PCYT2: variants seen among roughly 807,000 people sequenced by gnomAD.
PCYT2 encodes ethanolamine-phosphate cytidylyltransferase.
A neutral mutation model predicts 50.0 loss-of-function variants in PCYT2; 33 were observed. The observed-to-expected ratio is 0.66, with a 90% CI of 0.50 to 0.88. PCYT2 has a LOEUF of 0.88. Among genes scored for constraint, PCYT2 ranks in the 40% least tolerant of loss-of-function variants. The pLI, the probability that PCYT2 is intolerant of heterozygous loss-of-function variation, is 0.00. For missense variants in PCYT2, 430 were observed against 519.7 expected (o/e 0.83, Z 1.68); for synonymous variants, 240 against 203.7 (o/e 1.18, Z -1.52).
In PCYT2 at chr17:81,905,406, G is replaced by A. The variant is rs1209648139; in HGVS notation, c.945C>T (p.Asp315=). 1.3e-6 allele frequency: 2 copies of A among 1,563,728 alleles called. No homozygotes were observed. The highest frequency in any genetic ancestry group is 2.4e-5 in the East Asian group (1 of 41,746). ...CCTGGTATGGGTCGGAGCCATCCCT[G>A]TCAGGGATAATTTCTGTCTTGCCGT... ...VCHGKTEIIP[D]RDGSDPYQEP... The change falls in exon 11 of 13, where the codon GAC becomes GAT. Residue 315 remains aspartate, a synonymous_variant. Coordinates refer to ENST00000538936, the MANE Select transcript of PCYT2 (RefSeq NM_002861.5).
rs1224600272 is a variant in PCYT2 at position 81,909,502 on chromosome 17, A to G, written c.178+12T>C. ...TGGGGGGCCGCGGGTGGGCGAGGCCATCTGTGCTTACCATCGGTGTGCACG... is the reference window on the plus strand; with the variant it reads ...TGGGGGGCCGCGGGTGGGCGAGGCCGTCTGTGCTTACCATCGGTGTGCACG... On this transcript the variant is annotated intron_variant, in intron 2 of 12. Coordinates refer to ENST00000538936, the MANE Select transcript of PCYT2 (RefSeq NM_002861.5). The G allele has an allele frequency of 1.2e-6, 2 of 1,609,220 alleles. No individual in the cohort carries two copies. Among genetic ancestry groups the G allele is most frequent in the African/African-American group, 2.7e-5 (2 of 74,870 alleles).
At chr17:81,909,133 G>GGGCCT in intron 2 of PCYT2, 96 bp from the exon 3 acceptor site, 1 of 1,529,542 alleles carries the variant, frequency 6.5e-7, no homozygotes, top group South Asian at 1.3e-5. Flanking sequence ...CCACACAAGA[G>GGGCCT]GGCCGGTGGG....
chr17:81,906,250 C>T, intron 8 of PCYT2, 73 bp from the exon 9 acceptor site: 1 of 1,385,746 alleles, frequency 7.2e-7, no homozygotes, highest in Non-Finnish European at 1.0e-6. Context: ...CCGGCTGTCC[C>T]TCATGGGAAG....
chr17:81,910,801 C>T (rs901874170), intron 1 of PCYT2: 7 of 763,136 alleles, frequency 9.2e-6, no homozygotes, highest in Non-Finnish European at 1.1e-5. Flanking sequence ...CTCTGACTGG[C>T]CAGGGAAGAC....
chr17:81,905,703 G>C lies in PCYT2; in HGVS notation c.870C>G (p.Tyr290Ter), dbSNP rs200987223. 1 of 1,613,618 alleles carries C rather than the reference G, an allele frequency of 6.2e-7. No homozygotes were observed. Among genetic ancestry groups the C allele is most frequent in the Non-Finnish European group, 8.5e-7 (1 of 1,179,966 alleles). Residue 290 changes from tyrosine to a stop codon, truncating the protein, a stop_gained, in exon 10 of 13, where the codon TAC becomes TAG. Coordinates refer to ENST00000538936, the MANE Select transcript of PCYT2 (RefSeq NM_002861.5). LOFTEE classifies it high-confidence loss of function. ...YVSEVVIGAP[Y>*]AVTAELLSHF... ...GACTTAGGAGCTCTGCTGTGACCGC[G>C]TACGGGGCTCCAATCACCACTTCTG...
chr17:81,907,995 G>A, intron 4 of PCYT2, 138 bp from the exon 5 acceptor site: 1 of 682,430 alleles, frequency 1.5e-6, no homozygotes, highest in South Asian at 1.9e-5. Flanking sequence ...TCCCCTTCCT[G>A]TGCAAGGCCA....
At chr17:81,906,998 T>A in intron 6 of PCYT2, 100 bp from the exon 7 acceptor site, 1 of 1,379,480 alleles carries the variant, frequency 7.2e-7, no homozygotes, top group South Asian at 1.3e-5. Flanking sequence ...AGCAATCCCA[T>A]TTCCAGCCAG....
At position 81,902,509 on chromosome 17, in the gene PCYT2, C is replaced by T. The variant is rs997388116; in HGVS notation, c.*2324G>A. On this transcript the variant is annotated 3_prime_UTR_variant, in exon 13 of 13. Coordinates refer to ENST00000538936, the MANE Select transcript of PCYT2 (RefSeq NM_002861.5). Reference sequence around the variant, plus strand: ...CGCCTCCCCGGAGCTGCAACTGCACCCCAGGCTGCGGAGCCTCGTGAGTCC... The same window carrying T: ...CGCCTCCCCGGAGCTGCAACTGCACTCCAGGCTGCGGAGCCTCGTGAGTCC... 17 of 1,440,808 alleles carry T rather than the reference C, an allele frequency of 1.2e-5. No homozygotes were observed. The highest frequency in any genetic ancestry group is 1.5e-5 in the Non-Finnish European group (17 of 1,103,914). The allele number at this position is 1,440,808 out of a possible 1,614,324, so 89.3% of individuals were successfully genotyped here.
At chr17:81,906,573 G>T (rs1156279632) in intron 7 of PCYT2, 27 bp from the exon 8 acceptor site, 2 of 1,608,252 alleles carry the variant, frequency 1.2e-6, no homozygotes, top group Non-Finnish European at 1.7e-6. Context: ...AAGCAGTCGG[G>T]ATGGGGATGA....
rs943221441 is a variant in PCYT2, at chr17:81,902,993, T to C, written c.*1840A>G. On this transcript the variant is annotated 3_prime_UTR_variant, in exon 13 of 13. Coordinates refer to ENST00000538936, the MANE Select transcript of PCYT2 (RefSeq NM_002861.5). Reference sequence around the variant, plus strand: ...GCCTGGGTATGAGAAGGCAGCCGAGTGTGCGGCGGCAGGGCAAGGTTGGCC... The same window carrying C: ...GCCTGGGTATGAGAAGGCAGCCGAGCGTGCGGCGGCAGGGCAAGGTTGGCC... 6.2e-6 allele frequency: 3 copies of C among 480,450 alleles called. No homozygotes were observed. Among genetic ancestry groups the C allele is most frequent in the Admixed American group, 4.0e-5 (1 of 24,846 alleles). The allele number at this position is 480,450 out of a possible 1,614,324, so 29.8% of individuals were successfully genotyped here.
rs2143678652 is a variant in PCYT2 at position 81,906,382 on chromosome 17, C to T, written c.759+82G>A. ...TCACCTGGGGCCCCTTCCCAGAGACCACCTGCACCTAACAGCAACGCTTAG... is the reference window on the plus strand; with the variant it reads ...TCACCTGGGGCCCCTTCCCAGAGACTACCTGCACCTAACAGCAACGCTTAG... On this transcript the variant is annotated intron_variant, in intron 8 of 12. Coordinates refer to ENST00000538936, the MANE Select transcript of PCYT2 (RefSeq NM_002861.5). 1.9e-5 allele frequency: 27 copies of T among 1,421,480 alleles called. No individual in the cohort carries two copies. In the South Asian group the frequency reaches 3.0e-4, roughly 16 times the overall value. The allele number at this position is 1,421,480 out of a possible 1,614,324, so 88.1% of individuals were successfully genotyped here.
intron 9 of PCYT2, 29 bp from the exon 10 acceptor site, chr17:81,905,764 T>G (rs2040230276): frequency 1.9e-6 from 3 of 1,609,768 alleles, no homozygotes; most frequent in Non-Finnish European, 2.5e-6. Context: ...CAGAAAGACT[T>G]GCTCGGTCCC....
rs766396442 is a variant in PCYT2, at chr17:81,906,740, A to G, written c.676+20T>C. On this transcript the variant is annotated intron_variant, in intron 7 of 12. Transcript: ENST00000538936. ...CCCCATGTGGCACATGTAGGGGAGCAGCAGAGGCCCAGAGGATACGGAACA... is the reference window on the plus strand; with the variant it reads ...CCCCATGTGGCACATGTAGGGGAGCGGCAGAGGCCCAGAGGATACGGAACA... 5 of 1,611,272 alleles carry G rather than the reference A, an allele frequency of 3.1e-6. No individual in the cohort carries two copies. In the East Asian group the frequency reaches 8.9e-5, roughly 29 times the overall value.
At position 81,911,356 on chromosome 17, in the gene PCYT2, G is replaced by A; in HGVS notation, c.-1C>T. 9.4e-7 allele frequency: 1 copy of A among 1,062,122 alleles called. No individual in the cohort carries two copies. The highest frequency in any genetic ancestry group is 1.1e-6 in the Non-Finnish European group (1 of 879,034). The allele number at this position is 1,062,122 out of a possible 1,614,324, so 65.8% of individuals were successfully genotyped here. On this transcript the variant is annotated 5_prime_UTR_variant, in exon 1 of 13. Coordinates refer to ENST00000538936, the MANE Select transcript of PCYT2 (RefSeq NM_002861.5). The stretch of plus-strand genomic sequence containing the variant: ...CAGCCCCGCGCCCGTTCCGGATCAT[G>A]GCCCCGCAGCGGCGGCGCGGACAGC...
chr17:81,910,922 G>A (rs1208730956), intron 1 of PCYT2: 4 of 988,144 alleles, frequency 4.0e-6, no homozygotes, highest in East Asian at 1.1e-4. Flanking sequence ...CTCGCCCGGA[G>A]GCCAGGGGAA....
In PCYT2 at chr17:81,902,724, C is replaced by T. The variant is rs748977884; in HGVS notation, c.*2109G>A. 8.1e-6 allele frequency: 13 copies of T among 1,608,164 alleles called. No individual in the cohort carries two copies. The highest frequency in any genetic ancestry group is 1.0e-5 in the Non-Finnish European group (12 of 1,178,414). Reference sequence around the variant, plus strand: ...AGGCGAACGTCTTCCTGTCCCTGCGCGCAGCCGACTGCCTCGCCGCCTGAG... The same window carrying T: ...AGGCGAACGTCTTCCTGTCCCTGCGTGCAGCCGACTGCCTCGCCGCCTGAG... On this transcript the variant is annotated 3_prime_UTR_variant, in exon 13 of 13. Coordinates refer to ENST00000538936, the MANE Select transcript of PCYT2 (RefSeq NM_002861.5).
intron 6 of PCYT2, chr17:81,907,246 C>G: frequency 6.5e-7 from 1 of 1,534,126 alleles, no homozygotes; most frequent in African/African-American, 1.4e-5. Context: ...CGGCGGGTAT[C>G]GGGTGAGGGG....
At position 81,902,657 on chromosome 17, in the gene PCYT2, G is replaced by A. The variant is rs191490396; in HGVS notation, c.*2176C>T. 249 of 1,606,790 alleles carry A rather than the reference G, an allele frequency of 1.5e-4. 4 individuals carry two copies. The Admixed American group carries it at 4.0e-3, about 26-fold the overall frequency. On this transcript the variant is annotated 3_prime_UTR_variant, in exon 13 of 13. Coordinates refer to ENST00000538936, the MANE Select transcript of PCYT2 (RefSeq NM_002861.5). ...CAGGACGTCGCCCCAAACCTGCAGAGGTGCGAGCGGCTCCCCGACGGCCGC... is the reference window on the plus strand; with the variant it reads ...CAGGACGTCGCCCCAAACCTGCAGAAGTGCGAGCGGCTCCCCGACGGCCGC...
At position 81,906,097 on chromosome 17, in the gene PCYT2, C is replaced by T. The variant is rs765562155; in HGVS notation, c.837+3G>A. 2 of 1,608,694 alleles carry T rather than the reference C, an allele frequency of 1.2e-6. No individual in the cohort carries two copies. Among genetic ancestry groups the T allele is most frequent in the East Asian group, 2.2e-5 (1 of 44,830 alleles). ...CTTGGGCTGGCTCCTGGCCCCCACTCACCCGGCAGGCCAGCACGCTCAGAG... is the reference window on the plus strand; with the variant it reads ...CTTGGGCTGGCTCCTGGCCCCCACTTACCCGGCAGGCCAGCACGCTCAGAG... On this transcript the variant is annotated splice_donor_region_variant and intron_variant, in intron 9 of 12. Coordinates refer to ENST00000538936, the MANE Select transcript of PCYT2 (RefSeq NM_002861.5).
Sources: allele counts gnomAD v4.1 joint callset, GRCh38; gene constraint gnomAD v4.1.1; transcripts MANE v1.5; gene names NCBI Gene and HGNC (gene_info 2026-07-23, HGNC 2026-07-21).